Variants in INTS4 observed in about 807,000 individuals in gnomAD.
INTS4 encodes integrator complex subunit 4, also known as MSTP093.
In INTS4, 70 loss-of-function variants were observed where a neutral mutation model predicts 119.5. That is an observed-to-expected ratio of 0.59 (90% CI 0.48 to 0.71). The LOEUF (loss-of-function observed/expected upper bound fraction) is 0.71, where lower values mean the gene tolerates loss of function less well. INTS4 is among the 30% of genes least tolerant of loss of function. The pLI, the probability that INTS4 is intolerant of heterozygous loss-of-function variation, is 0.00. For missense variants in INTS4, 867 were observed against 1,173.2 expected (o/e 0.74, Z 3.81); for synonymous variants, 316 against 419.6 (o/e 0.75, Z 3.02).
rs79277370 is a variant in INTS4, at chr11:77,889,681, G to T, written c.2592+1638C>A. On this transcript the variant is annotated intron_variant, in intron 21 of 22. Coordinates refer to ENST00000534064, the MANE Select transcript of INTS4 (RefSeq NM_033547.4). ...GCATGTTTACTGCTATATCTCTATT[G>T]AGCACCTGAAGTAGTGCCTGGAACA... is the stretch of plus-strand genomic sequence containing the variant. Among the ~76,000 whole-genome samples, 1,227 of 152,244 alleles carry T rather than the reference G, an allele frequency of 8.1e-3. 18 individuals carry two copies. Among genetic ancestry groups the T allele is most frequent in the African/African-American group, 0.029 (1,195 of 41,532 alleles).
intron 19 of INTS4, among the ~76,000 whole-genome samples, chr11:77,893,175 C>CGA (rs1952353004): frequency 6.6e-6 from 1 of 152,216 alleles, no homozygotes; most frequent in Non-Finnish European, 1.5e-5. Flanking sequence ...CTTCATCAAG[C>CGA]TTTCCATTCA....
At chr11:77,950,288 C>G (rs1235101566) in intron 8 of INTS4, among the ~76,000 whole-genome samples, 1 of 151,940 alleles carries the variant, frequency 6.6e-6, no homozygotes, top group African/African-American at 2.4e-5. Context: ...ACGGGTGCAG[C>G]AAACTACCAT....
intron 6 of INTS4, 49 bp downstream of exon 6, chr11:77,960,292 A>G (rs1361343406): frequency 2.2e-6 from 3 of 1,381,576 alleles, no homozygotes; most frequent in Admixed American, 1.8e-5. Flanking sequence ...CCGCCCTCCC[A>G]GCTTCATGAT....
downstream of INTS4, among the ~76,000 whole-genome samples, chr11:77,878,198 TA>T (rs1173148568): frequency 6.6e-6 from 1 of 151,828 alleles, no homozygotes; most frequent in Admixed American, 6.6e-5. Flanking sequence ...CCGTCTCTAC[TA>T]AAAATACAAA....
rs771577583 is a variant in INTS4 at position 77,924,770 on chromosome 11, A to G, written c.1494T>C (p.Thr498=). ...ATTACTTCCATATGGAGTCCCTATC[A>G]GTAGGGTACTTGGTTAAATTTTTCA... ...ELLKNLTKYP[T]DRDSIWKCLK... Residue 498 remains threonine, a synonymous_variant, in exon 12 of 23, where the codon ACT becomes ACC. Coordinates refer to ENST00000534064, the MANE Select transcript of INTS4 (RefSeq NM_033547.4). The G allele has an allele frequency of 1.2e-6, 2 of 1,608,994 alleles. No homozygotes were observed. The highest frequency in any genetic ancestry group is 1.7e-6 in the Non-Finnish European group (2 of 1,175,754).
rs1377019638 is a variant in INTS4 at position 77,891,181 on chromosome 11, A to C, written c.2592+138T>G. 4 of 702,132 alleles carry C rather than the reference A, an allele frequency of 5.7e-6. No homozygotes were observed. In the African/African-American group the frequency reaches 7.2e-5, roughly 13 times the overall value. 43.5% of individuals were successfully genotyped at this position (702,132 alleles called of 1,614,324 possible). The stretch of plus-strand genomic sequence containing the variant: ...TCAGCAGTAGTTGAGATTCAAGCCT[A>C]GGTTCTTTCCCACAGAGGCTCATTT... On this transcript the variant is annotated intron_variant, in intron 21 of 22. Transcript: ENST00000534064.
intron 15 of INTS4, among the ~76,000 whole-genome samples, chr11:77,917,592 G>A (rs1207449203): frequency 6.6e-6 from 1 of 152,008 alleles, no homozygotes; most frequent in African/African-American, 2.4e-5. Flanking sequence ...TTACAGGCAT[G>A]AGCCACTGCA....
At position 77,883,911 on chromosome 11, in the gene INTS4, C is replaced by G; in HGVS notation, c.2634G>C (p.Lys878Asn). The part of the protein sequence containing the change: ...PDGQAQMIHP[K>N]PADFRNPGPG... ...GGCCAGGATTCCGGAAGTCTGCAGG[C>G]TTGGGGTGAATCATCTGAGCCTGGC... The change falls in exon 22 of 23, where the codon AAG becomes AAC. Residue 878 changes from lysine (K) to asparagine (N), a missense_variant. This residue lies in a region of INTS4 where 122 missense variants were observed against 133.2 expected (regional missense o/e 0.92). Coordinates refer to ENST00000534064, the MANE Select transcript of INTS4 (RefSeq NM_033547.4). The G allele has an allele frequency of 6.2e-7, 1 of 1,613,258 alleles. No homozygotes were observed. The highest frequency in any genetic ancestry group is 8.5e-7 in the Non-Finnish European group (1 of 1,179,648).
At chr11:77,893,891 T>TTAAATAAATAAA (rs56269909) in intron 19 of INTS4, among the ~76,000 whole-genome samples, 37,247 of 137,380 alleles carry the variant, frequency 0.27, 5,505 homozygotes, top group African/African-American at 0.33. Context: ...AGACTCTGTC[T>TTAAATAAATAAA]TAAATAAATA....
chr11:77,919,492 G>T (rs1178391229), intron 14 of INTS4, among the ~76,000 whole-genome samples: 1 of 152,126 alleles, frequency 6.6e-6, no homozygotes, highest in African/African-American at 2.4e-5. Flanking sequence ...CTCCATGTTG[G>T]TCAGGCTGGT....
At chr11:77,945,244 T>C (rs1481040387) in intron 8 of INTS4, among the ~76,000 whole-genome samples, 1 of 152,162 alleles carries the variant, frequency 6.6e-6, no homozygotes, top group African/African-American at 2.4e-5. Flanking sequence ...GCACCAGCAA[T>C]TCTTGATAAA....
At chr11:77,921,822 G>C (rs1476141485) in intron 13 of INTS4, among the ~76,000 whole-genome samples, 1 of 152,192 alleles carries the variant, frequency 6.6e-6, no homozygotes, top group African/African-American at 2.4e-5. Context: ...CTTGAGGTCA[G>C]GAGTTTGAGA....
At chr11:77,878,682 C>G, downstream of INTS4, 1 of 678,176 alleles carries the variant, frequency 1.5e-6, no homozygotes, top group Non-Finnish European at 2.6e-6. Context: ...GAAGCTATAG[C>G]CACACGCATT....
intron 4 of INTS4, among the ~76,000 whole-genome samples, chr11:77,963,153 T>C (rs930713500): frequency 5.3e-5 from 8 of 152,150 alleles, no homozygotes; most frequent in African/African-American, 1.2e-4. Flanking sequence ...TAAATACTTC[T>C]AGCTTCTGTC....
intron 15 of INTS4, among the ~76,000 whole-genome samples, chr11:77,908,268 G>A (rs1953009475): frequency 6.6e-6 from 1 of 151,064 alleles, no homozygotes; most frequent in African/African-American, 2.4e-5. Context: ...TGGGGTACAT[G>A]TGCAGAACGT....
chr11:77,948,131 G>C (rs1954092228), intron 8 of INTS4, among the ~76,000 whole-genome samples: 1 of 152,114 alleles, frequency 6.6e-6, no homozygotes, highest in South Asian at 2.1e-4. Context: ...TAATAGGCAA[G>C]AGCCACCACA....
chr11:77,948,373 G>A (rs1489178565), intron 8 of INTS4, among the ~76,000 whole-genome samples: 9 of 152,232 alleles, frequency 5.9e-5, no homozygotes, highest in Non-Finnish European at 1.2e-4. Flanking sequence ...ATAGCTGGGC[G>A]CGGTGGCTTA....
At chr11:77,968,283 A>C (rs563947430) in intron 4 of INTS4, among the ~76,000 whole-genome samples, 1 of 152,218 alleles carries the variant, frequency 6.6e-6, no homozygotes, top group Non-Finnish European at 1.5e-5. Context: ...GATTTCTCCA[A>C]TTTACTTAAA....
At chr11:77,974,238 CTTTTTT>C (rs60093605) in intron 4 of INTS4, among the ~76,000 whole-genome samples, 6 of 84,336 alleles carry the variant, frequency 7.1e-5, no homozygotes, top group Non-Finnish European at 7.3e-5. Flanking sequence ...TTTTTCTTTT[CTTTTTT>C]TTTTTTTTTT....
Sources: allele counts gnomAD v4.1 joint callset (sites outside exome capture counted in the v4.1 genomes callset), GRCh38; gene constraint gnomAD v4.1.1; regional missense constraint gnomAD v4.1.1; transcripts MANE v1.5; gene names NCBI Gene and HGNC (gene_info 2026-07-23, HGNC 2026-07-21).